ZNF407: variants seen among roughly 807,000 people sequenced by gnomAD.
ZNF407 encodes zinc finger protein 407.
Under a neutral mutation model 131.2 loss-of-function variants are expected in ZNF407, and 17 were observed. That is an observed-to-expected ratio of 0.13 (90% CI 0.09 to 0.19). ZNF407 has a LOEUF of 0.19. ZNF407 is among the 10% of genes least tolerant of loss of function. ZNF407 has a pLI of 1.00. For synonymous variants in ZNF407, 1,156 were observed against 1,062.0 expected, an observed-to-expected ratio of 1.09 and a Z score of -1.72; for missense variants, 2,681 against 2,830.6, an observed-to-expected ratio of 0.95 and a Z score of 1.20.
intron 3 of ZNF407, among the ~76,000 whole-genome samples, chr18:74,698,232 G>A (rs1240357706): frequency 6.6e-6 from 1 of 152,112 alleles, no homozygotes; most frequent in African/African-American, 2.4e-5. Context: ...CTAAAACTAA[G>A]GACTTCTGCA....
At chr18:74,791,894 AT>A (rs1263171034) in intron 4 of ZNF407, among the ~76,000 whole-genome samples, 1 of 152,188 alleles carries the variant, frequency 6.6e-6, no homozygotes, top group African/African-American at 2.4e-5. Flanking sequence ...TAAAATCTTC[AT>A]TGAGAGTTTT....
intron 1 of ZNF407, among the ~76,000 whole-genome samples, chr18:74,624,647 T>G (rs1983709266): frequency 6.6e-6 from 1 of 152,224 alleles, no homozygotes; most frequent in Non-Finnish European, 1.5e-5. Context: ...GCTCTTAATA[T>G]GGAGCCTTCT....
chr18:74,634,449 G>C lies in ZNF407; in HGVS notation c.3430G>C (p.Ala1144Pro). 3 of 1,613,634 alleles carry C rather than the reference G, an allele frequency of 1.9e-6. No homozygotes were observed. The highest frequency in any genetic ancestry group is 2.5e-6 in the Non-Finnish European group (3 of 1,179,868). ...TNLDMSKVLC[A>P]ADSVEVETEE... ...TTTAGATATGTCTAAAGTGCTCTGC[G>C]CTGCTGACTCTGTAGAAGTTGAGAC... Residue 1144 changes from alanine to proline, a missense_variant, in exon 2 of 9, where the codon GCT (alanine) becomes CCT (proline). Physicochemically the swap from Ala to Pro is conservative, Grantham distance 27 (BLOSUM62 -1). Transcript: ENST00000299687.
chr18:74,630,985 C>A lies in ZNF407; in HGVS notation c.-35C>A. 1 of 1,551,104 alleles carries A rather than the reference C, an allele frequency of 6.4e-7. No homozygotes were observed. The highest frequency in any genetic ancestry group is 8.7e-7 in the Non-Finnish European group (1 of 1,154,600). The stretch of plus-strand genomic sequence containing the variant: ...TTCACAGGTTATGAGTGCCAGTGAG[C>A]CGCCTTAGATAGAAGCATCGTCAGC... On this transcript the variant is annotated 5_prime_UTR_variant, in exon 2 of 9. Coordinates refer to ENST00000299687, the MANE Select transcript of ZNF407 (RefSeq NM_017757.3).
At chr18:74,772,631 G>A (rs1568208852) in intron 3 of ZNF407, among the ~76,000 whole-genome samples, 1 of 152,094 alleles carries the variant, frequency 6.6e-6, no homozygotes, top group Non-Finnish European at 1.5e-5. Context: ...TTTTTGGAGT[G>A]CATATTTCAG....
chr18:75,029,948 A>G (rs1973220415), intron 8 of ZNF407, among the ~76,000 whole-genome samples: 2 of 152,236 alleles, frequency 1.3e-5, no homozygotes, highest in Non-Finnish European at 2.9e-5. Flanking sequence ...ATGACCAATC[A>G]TGAGCATTAC....
At chr18:74,657,156 T>G (rs984218334) in intron 3 of ZNF407, among the ~76,000 whole-genome samples, 1 of 151,938 alleles carries the variant, frequency 6.6e-6, no homozygotes, top group Non-Finnish European at 1.5e-5. Flanking sequence ...TCCATAGTTG[T>G]TTGTATCTAC....
intron 1 of ZNF407, among the ~76,000 whole-genome samples, chr18:74,613,806 C>T (rs2144624375): frequency 6.6e-6 from 1 of 152,246 alleles, no homozygotes; most frequent in East Asian, 1.9e-4. Flanking sequence ...CCCCATTAAA[C>T]AAATCCACAT....
At chr18:74,765,293 A>ATTG (rs914779930) in intron 3 of ZNF407, among the ~76,000 whole-genome samples, 1 of 151,858 alleles carries the variant, frequency 6.6e-6, no homozygotes, top group Admixed American at 6.6e-5. Flanking sequence ...TCTCCTTATT[A>ATTG]TTGTTCATAT....
intron 8 of ZNF407, among the ~76,000 whole-genome samples, chr18:75,018,625 G>C (rs1973072087): frequency 6.6e-6 from 1 of 151,662 alleles, no homozygotes; most frequent in Non-Finnish European, 1.5e-5. Context: ...AGATAACTTG[G>C]GTAGAAATTA....
chr18:74,962,769 A>T (rs948571143), intron 8 of ZNF407, among the ~76,000 whole-genome samples: 1 of 151,546 alleles, frequency 6.6e-6, no homozygotes, highest in Non-Finnish European at 1.5e-5. Flanking sequence ...TGCCCTACCT[A>T]CCTCCCTTCA....
At chr18:74,906,409 G>A (rs1449912940) in intron 7 of ZNF407, among the ~76,000 whole-genome samples, 1 of 152,198 alleles carries the variant, frequency 6.6e-6, no homozygotes, top group Non-Finnish European at 1.5e-5. Flanking sequence ...TGCCCCAACT[G>A]TCAGCTGTGC....
chr18:75,029,641 G>A (rs1257354649), intron 8 of ZNF407, among the ~76,000 whole-genome samples: 4 of 152,234 alleles, frequency 2.6e-5, no homozygotes, highest in East Asian at 1.9e-4. Flanking sequence ...GTGTGCGTGC[G>A]TGTGCATGCG....
intron 7 of ZNF407, among the ~76,000 whole-genome samples, chr18:74,911,056 A>G (rs569837616): frequency 6.6e-6 from 1 of 152,250 alleles, no homozygotes; most frequent in Non-Finnish European, 1.5e-5. Context: ...TATATAAGTG[A>G]CTTTCGTGGT....
chr18:74,917,784 T>A (rs1397337911), intron 7 of ZNF407, among the ~76,000 whole-genome samples: 3 of 152,260 alleles, frequency 2.0e-5, no homozygotes, highest in Non-Finnish European at 4.4e-5. Context: ...CAATTTTAAT[T>A]TCTTCATATG....
intron 3 of ZNF407, among the ~76,000 whole-genome samples, chr18:74,729,697 C>A (rs945625612): frequency 6.6e-6 from 1 of 152,022 alleles, no homozygotes; most frequent in Non-Finnish European, 1.5e-5. Flanking sequence ...ACACAGGGAC[C>A]GTACACTTGG....
At chr18:74,685,967 C>G (rs1440654135) in intron 3 of ZNF407, among the ~76,000 whole-genome samples, 1 of 152,194 alleles carries the variant, frequency 6.6e-6, no homozygotes, top group Non-Finnish European at 1.5e-5. Flanking sequence ...TGTTTGTCCA[C>G]TGGTTTCCCA....
chr18:75,054,706 G>A (rs1356842244), intron 8 of ZNF407, among the ~76,000 whole-genome samples: 1 of 152,242 alleles, frequency 6.6e-6, no homozygotes, highest in Admixed American at 6.5e-5. Flanking sequence ...GGAAAAGGTG[G>A]TTGGGATTCC....
intron 4 of ZNF407, among the ~76,000 whole-genome samples, chr18:74,803,176 C>T (rs1323965265): frequency 6.6e-6 from 1 of 152,168 alleles, no homozygotes; most frequent in East Asian, 1.9e-4. Flanking sequence ...CCTTGTATTT[C>T]AGTGCTTCAC....
Sources: gnomAD v4.1 joint callset for allele counts (sites outside exome capture counted in the v4.1 genomes callset) on GRCh38, gnomAD v4.1.1 for gene constraint, MANE v1.5 for transcripts, NCBI Gene and HGNC (gene_info 2026-07-23, HGNC 2026-07-21) for gene names.